SLC45A2: variants seen among roughly 807,000 people sequenced by gnomAD.
SLC45A2 encodes the protein membrane-associated transporter protein.
A neutral mutation model predicts 45.5 loss-of-function variants in SLC45A2; 36 were observed. The observed-to-expected ratio is 0.79, with a 90% CI of 0.61 to 1.04. SLC45A2 has a LOEUF of 1.04. Ranked by LOEUF, SLC45A2 falls within the 50% of genes least tolerant of loss-of-function variation. The pLI, the probability that SLC45A2 is intolerant of heterozygous loss-of-function variation, is 0.00. For synonymous variants in SLC45A2, 306 were observed against 269.3 expected (o/e 1.14, Z -1.33); for missense variants, 719 against 671.0 (o/e 1.07, Z -0.79).
At chr5:33,952,669 C>T (rs1415238861) in intron 4 of SLC45A2, among the ~76,000 whole-genome samples, 1 of 130,954 alleles carries the variant, frequency 7.6e-6, no homozygotes, top group Non-Finnish European at 1.6e-5. Context: ...TTCTATTGAG[C>T]AAAAGTTTTT....
chr5:33,981,443 A>T (rs1399527542), intron 2 of SLC45A2, among the ~76,000 whole-genome samples: 1 of 152,182 alleles, frequency 6.6e-6, no homozygotes, highest in Admixed American at 6.5e-5. Flanking sequence ...CTGGGCTACA[A>T]AGACAATCAA....
intron 2 of SLC45A2, among the ~76,000 whole-genome samples, chr5:33,964,299 T>C (rs1047228559): frequency 6.6e-6 from 1 of 152,094 alleles, no homozygotes; most frequent in Non-Finnish European, 1.5e-5. Flanking sequence ...GATTTGAAAA[T>C]AGAAAGTGTT....
chr5:33,983,858 T>C (rs1408624620), intron 1 of SLC45A2, among the ~76,000 whole-genome samples: 1 of 152,214 alleles, frequency 6.6e-6, no homozygotes. Flanking sequence ...ATAAGAGTAT[T>C]AAATAGAGCA....
intron 2 of SLC45A2, among the ~76,000 whole-genome samples, chr5:33,975,011 A>G (rs146275114): frequency 2.6e-5 from 4 of 152,320 alleles, no homozygotes; most frequent in African/African-American, 9.6e-5. Context: ...GGACTTTAGA[A>G]TCTAAGCCTT....
intron 4 of SLC45A2, among the ~76,000 whole-genome samples, chr5:33,952,774 T>A (rs549763223): frequency 9.6e-4 from 134 of 139,326 alleles, no homozygotes; most frequent in African/African-American, 3.6e-3. Flanking sequence ...ACATGTGCCA[T>A]GCTGGTGCGC....
chr5:33,946,684 G>T, intron 6 of SLC45A2: 3 of 1,037,136 alleles, frequency 2.9e-6, no homozygotes, highest in Non-Finnish European at 3.5e-6. Flanking sequence ...GGACTCCATT[G>T]CCTAGGACTT....
At chr5:33,960,395 A>G (rs1281644502) in intron 3 of SLC45A2, among the ~76,000 whole-genome samples, 1 of 151,770 alleles carries the variant, frequency 6.6e-6, no homozygotes, top group African/African-American at 2.4e-5. Context: ...GTGTGCAGGT[A>G]TCTTTTATAT....
At chr5:33,973,048 G>A (rs748967100) in intron 2 of SLC45A2, among the ~76,000 whole-genome samples, 1 of 152,188 alleles carries the variant, frequency 6.6e-6, no homozygotes, top group Non-Finnish European at 1.5e-5. Flanking sequence ...ACAGTGTCAA[G>A]TAATGATGGG....
chr5:33,957,807 G>A (rs988995423), intron 3 of SLC45A2, among the ~76,000 whole-genome samples: 1 of 152,132 alleles, frequency 6.6e-6, no homozygotes, highest in Non-Finnish European at 1.5e-5. Flanking sequence ...ATTAATATAT[G>A]CTTCTGACTT....
intron 2 of SLC45A2, among the ~76,000 whole-genome samples, chr5:33,977,177 A>G (rs997052503): frequency 2.0e-5 from 3 of 152,246 alleles, no homozygotes; most frequent in Non-Finnish European, 4.4e-5. Flanking sequence ...TCTGCCAGCC[A>G]GGAAGAGAGG....
intron 2 of SLC45A2, among the ~76,000 whole-genome samples, chr5:33,969,284 A>AG (rs1561367538): frequency 6.6e-6 from 1 of 151,618 alleles, no homozygotes; most frequent in Non-Finnish European, 1.5e-5. Context: ...AGAAAAAAAA[A>AG]ATTTTAAATT....
intron 1 of SLC45A2, among the ~76,000 whole-genome samples, chr5:33,983,426 C>T (rs1753140076): frequency 6.6e-6 from 1 of 152,248 alleles, no homozygotes. Flanking sequence ...GTCAACAATG[C>T]TTATCAGCTT....
intron 2 of SLC45A2, 35 bp downstream of exon 2, chr5:33,982,201 G>A: frequency 6.2e-7 from 1 of 1,612,182 alleles, no homozygotes; most frequent in South Asian, 1.1e-5. Context: ...ATTGTCTGGG[G>A]AGCTGAAGGA....
intron 2 of SLC45A2, among the ~76,000 whole-genome samples, chr5:33,969,065 C>CTCTCTCTCTCTCTCTG: frequency 1.3e-3 from 134 of 102,458 alleles, no homozygotes; most frequent in Admixed American, 3.1e-3. Flanking sequence ...CTCTCTCTCT[C>CTCTCTCTCTCTCTCTG]TGTGTGTGTG....
At chr5:33,948,237 A>G (rs1415314498) in intron 5 of SLC45A2, among the ~76,000 whole-genome samples, 4 of 152,260 alleles carry the variant, frequency 2.6e-5, no homozygotes, top group East Asian at 1.9e-4. Flanking sequence ...TAGCAGGTCA[A>G]CTTGGCTTGC....
At chr5:33,973,067 T>A (rs912943614) in intron 2 of SLC45A2, among the ~76,000 whole-genome samples, 1 of 152,140 alleles carries the variant, frequency 6.6e-6, no homozygotes, top group Non-Finnish European at 1.5e-5. Context: ...GGTACCTCTG[T>A]GATGGGAGTC....
At chr5:33,968,456 A>G (rs1000477836) in intron 2 of SLC45A2, among the ~76,000 whole-genome samples, 1 of 152,212 alleles carries the variant, frequency 6.6e-6, no homozygotes, top group Non-Finnish European at 1.5e-5. Flanking sequence ...ACAAGCTTTT[A>G]CAAAGAAGGG....
At chr5:33,946,544 T>C (rs576909916) in intron 6 of SLC45A2, 2 of 989,754 alleles carry the variant, frequency 2.0e-6, no homozygotes, top group South Asian at 4.6e-5. Flanking sequence ...AAGCACTGCA[T>C]AGGCGCTTGT....
At chr5:33,973,859 C>G (rs1408276150) in intron 2 of SLC45A2, among the ~76,000 whole-genome samples, 1 of 47,946 alleles carries the variant, frequency 2.1e-5, no homozygotes, top group East Asian at 6.2e-4. Context: ...TGCCTGTGAC[C>G]CTTGCAAGGT....
Sources: gnomAD v4.1 joint callset for allele counts (sites outside exome capture counted in the v4.1 genomes callset) on GRCh38, gnomAD v4.1.1 for gene constraint, MANE v1.5 for transcripts, NCBI Gene and HGNC (gene_info 2026-07-23, HGNC 2026-07-21) for gene names.